CSMD1: variants seen among roughly 807,000 people sequenced by gnomAD.
The protein encoded by CSMD1 is CUB and Sushi multiple domains 1, also known as CUB and sushi domain-containing protein 1.
Under a neutral mutation model 417.5 loss-of-function variants are expected in CSMD1, and 213 were observed. The ratio of observed to expected loss-of-function variants is 0.51; its 90% CI spans 0.46 to 0.57. CSMD1 has a LOEUF of 0.57. CSMD1 is among the 20% of genes least tolerant of loss of function. The probability of loss-of-function intolerance (pLI) is 0.00; values close to 1 mark genes in which losing one functional copy is unlikely to be tolerated. For missense variants in CSMD1, 6,923 were observed against 4,529.7 expected (o/e 1.53, Z -15.17); for synonymous variants, 2,862 against 1,736.8 (o/e 1.65, Z -16.11).
intron 3 of CSMD1, among the ~76,000 whole-genome samples, chr8:4,354,424 A>C (rs1052632585): frequency 2.0e-5 from 3 of 152,196 alleles, no homozygotes; most frequent in Admixed American, 6.5e-5. Flanking sequence ...CTGAAATAGC[A>C]TGCTAGGAGA....
chr8:3,840,335 C>T (rs974553321), intron 5 of CSMD1, among the ~76,000 whole-genome samples: 1 of 152,214 alleles, frequency 6.6e-6, no homozygotes, highest in South Asian at 2.1e-4. Flanking sequence ...GTCCTGTTAA[C>T]AGAAATATCC....
chr8:4,398,406 T>TTTC, intron 3 of CSMD1, among the ~76,000 whole-genome samples: 1 of 147,504 alleles, frequency 6.8e-6, no homozygotes, highest in East Asian at 2.0e-4. Flanking sequence ...TTTTTTTTTT[T>TTTC]TTGTGAGATA....
intron 26 of CSMD1, among the ~76,000 whole-genome samples, chr8:3,260,046 C>A (rs1379451464): frequency 1.3e-5 from 2 of 152,216 alleles, no homozygotes; most frequent in Admixed American, 1.3e-4. Context: ...TTGCTCCTCC[C>A]CGGTACAGAA....
intron 5 of CSMD1, among the ~76,000 whole-genome samples, chr8:3,950,582 C>A (rs1006665610): frequency 3.3e-5 from 5 of 152,198 alleles, no homozygotes; most frequent in Non-Finnish European, 7.3e-5. Flanking sequence ...AGCAATATTG[C>A]GTGAAATATG....
chr8:3,522,868 AATTAT>A (rs1213641369), intron 10 of CSMD1, among the ~76,000 whole-genome samples: 1 of 149,822 alleles, frequency 6.7e-6, no homozygotes, highest in Non-Finnish European at 1.5e-5. Context: ...ATTTAATGTA[AATTAT>A]ATTAAATATT....
intron 3 of CSMD1, among the ~76,000 whole-genome samples, chr8:4,199,493 G>A (rs1030912220): frequency 1.3e-5 from 2 of 152,162 alleles, no homozygotes; most frequent in Non-Finnish European, 2.9e-5. Context: ...ATAGGAATAT[G>A]GTGTAAAATG....
Position 2,951,062 on chromosome 8 carries a change from A to G in CSMD1, c.10201+52T>C, listed in dbSNP as rs1032626126. 3.2e-6 allele frequency: 5 copies of G among 1,555,612 alleles called. No individual in the cohort carries two copies. The African/African-American group carries it at 6.8e-5, about 21-fold the overall frequency. ...TAGATCACCTCTCTGTGAAAAGATA[A>G]CAGGTCTATTTCTGCTCACACCATG... On this transcript the variant is annotated intron_variant, in intron 66 of 69. Transcript: ENST00000635120.
intron 3 of CSMD1, among the ~76,000 whole-genome samples, chr8:4,272,057 G>A (rs1271281566): frequency 6.6e-6 from 1 of 152,098 alleles, no homozygotes; most frequent in African/African-American, 2.4e-5. Context: ...AAGTAGACCT[G>A]TGTAGTTCAA....
chr8:3,103,255 TATAGAA>T (rs1375698434), intron 46 of CSMD1, among the ~76,000 whole-genome samples: 1 of 152,190 alleles, frequency 6.6e-6, no homozygotes, highest in Non-Finnish European at 1.5e-5. Flanking sequence ...TGTAACCAGT[TATAGAA>T]ATAAAAACTC....
chr8:4,301,757 C>T lies in CSMD1; in HGVS notation c.415+118196G>A, dbSNP rs1037672358. ...TTTCATCTTCACTATCATGTCCTGC[C>T]TCCTTAAACCTAGTTATCTAATTGT... On this transcript the variant is annotated intron_variant, in intron 3 of 69. Coordinates refer to ENST00000635120, the MANE Select transcript of CSMD1 (RefSeq NM_033225.6). Among the ~76,000 whole-genome samples the T allele has an allele frequency of 7.9e-5, 12 of 152,136 alleles. No homozygotes were observed. The South Asian group carries it at 1.9e-3, about 24-fold the overall frequency.
chr8:3,759,896 G>T (rs1046156342), intron 5 of CSMD1, among the ~76,000 whole-genome samples: 9 of 115,490 alleles, frequency 7.8e-5, no homozygotes, highest in Non-Finnish European at 1.6e-4. Context: ...GTGACTGAGA[G>T]ACTGTCTCAA....
At chr8:3,845,792 T>C (rs796364433) in intron 5 of CSMD1, among the ~76,000 whole-genome samples, 5 of 152,182 alleles carry the variant, frequency 3.3e-5, no homozygotes, top group African/African-American at 9.6e-5. Context: ...AAATATCTTA[T>C]TTCTTTATAT....
At chr8:4,119,875 C>G (rs1802381024) in intron 3 of CSMD1, among the ~76,000 whole-genome samples, 1 of 152,166 alleles carries the variant, frequency 6.6e-6, no homozygotes, top group Admixed American at 6.5e-5. Flanking sequence ...AAGGGTTCGA[C>G]AAAGTACAGG....
At position 4,985,382 on chromosome 8, in the gene CSMD1, A is replaced by T. The variant is rs935829597; in HGVS notation, c.85+8950T>A. Among the ~76,000 whole-genome samples the T allele has an allele frequency of 6.9e-5, 10 of 145,508 alleles. No homozygotes were observed. In the South Asian group the frequency reaches 1.3e-3, roughly 20 times the overall value. ...CCCTGGAACTTAAAAGTTTTTTTTA[A>T]AAAAAAATGTGGTGTAGGTGAATAG... On this transcript the variant is annotated intron_variant, in intron 1 of 69. Transcript: ENST00000635120.
chr8:3,795,053 T>TATAGATATATATCTATCATGTAC, intron 5 of CSMD1, among the ~76,000 whole-genome samples: 1 of 146,810 alleles, frequency 6.8e-6, no homozygotes, highest in Non-Finnish European at 1.5e-5. Flanking sequence ...CTATCATGTA[T>TATAGATATATATCTATCATGTAC]AGCTATAGAT....
At chr8:4,032,763 C>A (rs142847413) in intron 3 of CSMD1, among the ~76,000 whole-genome samples, 28 of 152,266 alleles carry the variant, frequency 1.8e-4, no homozygotes, top group African/African-American at 6.3e-4. Flanking sequence ...AACAGAAATA[C>A]TGAATTCACT....
chr8:3,374,274 C>G (rs982247076), intron 18 of CSMD1, among the ~76,000 whole-genome samples: 1 of 152,040 alleles, frequency 6.6e-6, no homozygotes, highest in African/African-American at 2.4e-5. Flanking sequence ...ACCCGTTTTT[C>G]AAGTTCTGTC....
At chr8:3,950,253 G>C (rs919003925) in intron 5 of CSMD1, among the ~76,000 whole-genome samples, 1 of 152,136 alleles carries the variant, frequency 6.6e-6, no homozygotes, top group Non-Finnish European at 1.5e-5. Context: ...TGATGAATTA[G>C]TAGTTTGATA....
chr8:4,631,611 TGTGTAACC>T (rs1802519927), intron 2 of CSMD1, among the ~76,000 whole-genome samples: 1 of 152,194 alleles, frequency 6.6e-6, no homozygotes, highest in African/African-American at 2.4e-5. Flanking sequence ...TTTGTCATGG[TGTGTAACC>T]TAACTATCCA....
Sources: allele counts gnomAD v4.1 joint callset (sites outside exome capture counted in the v4.1 genomes callset), GRCh38; gene constraint gnomAD v4.1.1; transcripts MANE v1.5; gene names NCBI Gene and HGNC (gene_info 2026-07-23, HGNC 2026-07-21).